ATG2A: variants seen among roughly 807,000 people sequenced by gnomAD.
ATG2A encodes the protein autophagy related 2A.
ATG2A carries 103 observed loss-of-function variants against 214.2 expected under a neutral mutation model. That is an observed-to-expected ratio of 0.48 (90% CI 0.41 to 0.57). ATG2A has a LOEUF of 0.57. Ranked by LOEUF, ATG2A falls within the 20% of genes least tolerant of loss-of-function variation. The pLI is 0.00. For synonymous variants in ATG2A, 1,160 were observed against 1,142.1 expected, an observed-to-expected ratio of 1.02 and a Z score of -0.32; for missense variants, 2,312 against 2,613.2, an observed-to-expected ratio of 0.88 and a Z score of 2.51.
rs61744001 is a variant in ATG2A at position 64,913,329 on chromosome 11, G to A, written c.663C>T (p.Ala221=). The A allele has an allele frequency of 0.03, 47,691 of 1,607,408 alleles. 1,001 individuals carry two copies. The highest frequency in any genetic ancestry group is 0.046 in the South Asian group (4,113 of 90,074). ...APPVDVHQPP[A]FLHKLLQLAG... is the part of the protein sequence containing the mutation. ...CCAGCTGCAGCAGCTTGTGCAGGAAGGCAGGCGGCTGATGCACGTCCACCG... is the reference window on the plus strand; with the variant it reads ...CCAGCTGCAGCAGCTTGTGCAGGAAAGCAGGCGGCTGATGCACGTCCACCG... The change falls in exon 5 of 41, where the codon GCC becomes GCT. Residue 221 remains alanine (A), a synonymous_variant. Transcript: ENST00000377264. The surrounding 1 kb of genome is among the most constrained non-coding windows in gnomAD (Gnocchi z 4.3).
In ATG2A at chr11:64,913,031, GA is replaced by G; in HGVS notation, c.825+6del. Reference sequence around the variant, plus strand: ...CTCACCCCCTCCCCAGGGGCCTGGGGACCCACCTTGGGGCCAGGGAAGGCCT... The same window carrying G: ...CTCACCCCCTCCCCAGGGGCCTGGGGCCCACCTTGGGGCCAGGGAAGGCCT... On this transcript the variant is annotated splice_donor_region_variant and intron_variant, in intron 6 of 40. Coordinates refer to ENST00000377264, the MANE Select transcript of ATG2A (RefSeq NM_015104.3). The surrounding 1 kb of genome is among the most constrained non-coding windows in gnomAD (Gnocchi z 4.3). The G allele has an allele frequency of 6.5e-7, 1 of 1,544,386 alleles. No individual in the cohort carries two copies. Among genetic ancestry groups the G allele is most frequent in the Non-Finnish European group, 8.7e-7 (1 of 1,144,650 alleles).
Position 64,895,973 on chromosome 11 carries a change from C to T in ATG2A, c.5427+489G>A, listed in dbSNP as rs940448891. Among the ~76,000 whole-genome samples, 15 of 152,194 alleles carry T rather than the reference C, an allele frequency of 9.9e-5. No homozygotes were observed. The highest frequency in any genetic ancestry group is 3.6e-4 in the African/African-American group (15 of 41,444). On this transcript the variant is annotated intron_variant, in intron 39 of 40. Coordinates refer to ENST00000377264, the MANE Select transcript of ATG2A (RefSeq NM_015104.3). The surrounding 1 kb of genome is among the most constrained non-coding windows in gnomAD (Gnocchi z 5.0). Reference sequence around the variant, plus strand: ...TCTGTCCTGTTGGGGTCTGAGCTTGCAGGTTCCAGAATGCACCATGCACCT... The same window carrying T: ...TCTGTCCTGTTGGGGTCTGAGCTTGTAGGTTCCAGAATGCACCATGCACCT...
Position 64,907,365 on chromosome 11 carries a change from C to A in ATG2A, c.2722G>T (p.Gly908Cys). Residue 908 changes from glycine (G) to cysteine (C), a missense_variant, in exon 19 of 41, where the codon GGT (glycine) becomes TGT (cysteine). Physicochemically the swap from Gly to Cys is radical, Grantham distance 159. Coordinates refer to ENST00000377264, the MANE Select transcript of ATG2A (RefSeq NM_015104.3). Reference protein sequence around the residue: ...DAHFFSVGASGGPQAAAPEAP... With the variant: ...DAHFFSVGASCGPQAAAPEAP... ...TCAGGGGCAGCGGCCTGTGGGCCAC[C>A]TGATGCCCCCACTGAGAAGAAGTGG... 1 of 1,560,830 alleles carries A rather than the reference C, an allele frequency of 6.4e-7. No homozygotes were observed. The highest frequency in any genetic ancestry group is 8.7e-7 in the Non-Finnish European group (1 of 1,152,712).
rs71468678 is a variant in ATG2A, at chr11:64,903,408, C to A, written c.3536-44G>T. On this transcript the variant is annotated intron_variant, in intron 25 of 40. Coordinates refer to ENST00000377264, the MANE Select transcript of ATG2A (RefSeq NM_015104.3). This position sits in a 1 kb window ranked among gnomAD's most constrained non-coding sequence, Gnocchi z 4.2. ...AAAGGTCCTGTGGCCCCCTTCCACC[C>A]GGCCCCGGCCCCAGCACCTGGGGGA... The A allele has an allele frequency of 6.2e-7, 1 of 1,601,820 alleles. No individual in the cohort carries two copies. The highest frequency in any genetic ancestry group is 1.1e-5 in the South Asian group (1 of 90,418).
intron 16 of ATG2A, among the ~76,000 whole-genome samples, chr11:64,908,555 A>AG (rs1273173625): frequency 6.6e-6 from 1 of 152,096 alleles, no homozygotes; most frequent in Non-Finnish European, 1.5e-5. Flanking sequence ...CTATCTCAAA[A>AG]AAAAAAGAAA....
chr11:64,903,419 C>A lies in ATG2A; in HGVS notation c.3536-55G>T, dbSNP rs1354906275. 2.5e-6 allele frequency: 4 copies of A among 1,596,388 alleles called. No individual in the cohort carries two copies. In the African/African-American group the frequency reaches 4.0e-5, roughly 16 times the overall value. Reference sequence around the variant, plus strand: ...GGCCCCCTTCCACCCGGCCCCGGCCCCAGCACCTGGGGGAAGGATCCGGTT... The same window carrying A: ...GGCCCCCTTCCACCCGGCCCCGGCCACAGCACCTGGGGGAAGGATCCGGTT... On this transcript the variant is annotated intron_variant, in intron 25 of 40. Transcript: ENST00000377264. The surrounding 1 kb of genome is among the most constrained non-coding windows in gnomAD (Gnocchi z 4.2).
At chr11:64,907,956 GGTCTCAGTCCT>G in intron 16 of ATG2A, 66 bp from the exon 17 acceptor site, 1 of 1,542,508 alleles carries the variant, frequency 6.5e-7, no homozygotes, top group Non-Finnish European at 8.8e-7. Context: ...GCCTGTCTCT[GGTCTCAGTCCT>G]GCCCTCCTGT....
At position 64,895,139 on chromosome 11, in the gene ATG2A, C is replaced by T; in HGVS notation, c.5651G>A (p.Gly1884Asp). 6.2e-7 allele frequency: 1 copy of T among 1,613,160 alleles called. No homozygotes were observed. Residue 1884 changes from glycine to aspartate, a missense_variant, in exon 41 of 41, where the codon GGC becomes GAC. Physicochemically the swap from Gly to Asp is moderately conservative, Grantham distance 94 (BLOSUM62 -1). Transcript: ENST00000377264. The surrounding 1 kb of genome is among the most constrained non-coding windows in gnomAD (Gnocchi z 5.0). ...SRGHEQKGLT[G>D]AVGGVIRQLP... ...CTGGCGGATCACGCCCCCCACGGCG[C>T]CCGTCAGCCCCTTCTGCTCATGGCC...
Position 64,913,785 on chromosome 11 carries a change from T to C in ATG2A, c.590+36A>G. ...CATCCAGCAGCCCCCACTCCCCATC[T>C]TCACACCAGTCCACCCCAGATCGGC... On this transcript the variant is annotated intron_variant, in intron 4 of 40. Coordinates refer to ENST00000377264, the MANE Select transcript of ATG2A (RefSeq NM_015104.3). The surrounding 1 kb of genome is among the most constrained non-coding windows in gnomAD (Gnocchi z 4.3). 2 of 1,599,780 alleles carry C rather than the reference T, an allele frequency of 1.3e-6. No individual in the cohort carries two copies. The highest frequency in any genetic ancestry group is 2.2e-5 in the East Asian group (1 of 44,786).
chr11:64,902,140 T>C lies in ATG2A; in HGVS notation c.3941A>G (p.Tyr1314Cys), dbSNP rs755933910. 2 of 1,613,388 alleles carry C rather than the reference T, an allele frequency of 1.2e-6. No individual in the cohort carries two copies. The highest frequency in any genetic ancestry group is 1.7e-6 in the Non-Finnish European group (2 of 1,179,900). ...CCCACTCCGTTCACCTGGGAATAGGTAGACGGAGATGGGCGACGCCTGAGG... is the reference window on the plus strand; with the variant it reads ...CCCACTCCGTTCACCTGGGAATAGGCAGACGGAGATGGGCGACGCCTGAGG... ...HLPQASPISV[Y>C]LFPGERSGAP... Residue 1314 changes from tyrosine to cysteine, a missense_variant, in exon 29 of 41, where the codon TAC (tyrosine) becomes TGC (cysteine). Physicochemically the swap from Tyr to Cys is radical, Grantham distance 194. Transcript: ENST00000377264.
In ATG2A at chr11:64,910,952, AGCCTGCGGGGAAGAGGACAG is replaced by A; in HGVS notation, c.1467-18_1468del. 6.2e-7 allele frequency: 1 copy of A among 1,613,390 alleles called. No individual in the cohort carries two copies. The highest frequency in any genetic ancestry group is 8.5e-7 in the Non-Finnish European group (1 of 1,180,004). ...GGACAGCTGCACGGCTGTGCCCGTTAGCCTGCGGGGAAGAGGACAGGCGTCAGAAGGTGCACTTAGGGGGC... is the reference window on the plus strand; with the variant it reads ...GGACAGCTGCACGGCTGTGCCCGTTAGCGTCAGAAGGTGCACTTAGGGGGC... On this transcript the variant is annotated splice_acceptor_variant and splice_polypyrimidine_tract_variant and coding_sequence_variant and intron_variant, in exon 11 of 41. Coordinates refer to ENST00000377264, the MANE Select transcript of ATG2A (RefSeq NM_015104.3). LOFTEE classifies it high-confidence loss of function.
Position 64,897,669 on chromosome 11 carries a change from A to G in ATG2A, c.5067+2T>C. The G allele has an allele frequency of 6.2e-7, 1 of 1,614,206 alleles. No homozygotes were observed. Among genetic ancestry groups the G allele is most frequent in the African/African-American group, 1.3e-5 (1 of 75,066 alleles). On this transcript the variant is annotated splice_donor_variant, in intron 36 of 40. Coordinates refer to ENST00000377264, the MANE Select transcript of ATG2A (RefSeq NM_015104.3). LOFTEE classifies it high-confidence loss of function. The stretch of plus-strand genomic sequence containing the variant: ...GCCACCCCATCCGACCGCCCCACTT[A>G]CCACCTGGTCCATCGTGACGTGCTT...
rs1455230553 is a variant in ATG2A, at chr11:64,896,628, G to A, written c.5273-12C>T. 6.2e-7 allele frequency: 1 copy of A among 1,611,632 alleles called. No homozygotes were observed. The highest frequency in any genetic ancestry group is 2.2e-5 in the East Asian group (1 of 44,816). On this transcript the variant is annotated splice_polypyrimidine_tract_variant and intron_variant, in intron 38 of 40. Transcript: ENST00000377264. ...CCGGAACCCTTGGACTAGGGGGAAG[G>A]AGCGCTCAGAGACACCCGAGGCTGC... is the stretch of plus-strand genomic sequence containing the variant.
intron 3 of ATG2A, 76 bp downstream of exon 3, chr11:64,914,005 G>C: frequency 1.9e-6 from 3 of 1,563,080 alleles, no homozygotes; most frequent in Non-Finnish European, 2.6e-6. Flanking sequence ...CAGGGTGGCC[G>C]TGCCGTTGTC....
In ATG2A at chr11:64,909,870, G is replaced by C. The variant is rs370489079; in HGVS notation, c.1918C>G (p.Arg640Gly). ...QQTVFRLSAP[R>G]ATLRLRFPIA... ...GGGAAGCGCAGCCGCAGCGTGGCCC[G>C]GGGTGCAGAGAGCCGAAATACCGTC... The change falls in exon 14 of 41, where the codon CGG becomes GGG. Residue 640 changes from arginine (R) to glycine (G), a missense_variant. Physicochemically the swap from Arg to Gly is moderately radical, Grantham distance 125. Coordinates refer to ENST00000377264, the MANE Select transcript of ATG2A (RefSeq NM_015104.3). 2.5e-6 allele frequency: 4 copies of C among 1,608,842 alleles called. No individual in the cohort carries two copies. Among genetic ancestry groups the C allele is most frequent in the Non-Finnish European group, 3.4e-6 (4 of 1,178,652 alleles).
intron 29 of ATG2A, 34 bp downstream of exon 29, chr11:64,901,928 G>A: frequency 6.2e-7 from 1 of 1,604,920 alleles, no homozygotes; most frequent in Non-Finnish European, 8.5e-7. Flanking sequence ...CACCTGCCTG[G>A]ACGGCAAACT....
intron 1 of ATG2A, among the ~76,000 whole-genome samples, chr11:64,914,908 G>A (rs916895335): frequency 3.7e-4 from 56 of 151,872 alleles, no homozygotes; most frequent in Non-Finnish European, 7.1e-4. Flanking sequence ...GGGGCTGGTG[G>A]GGGGGCCGTG....
Position 64,903,610 on chromosome 11 carries a change from T to A in ATG2A, c.3515A>T (p.Glu1172Val), listed in dbSNP as rs1219593330. The A allele has an allele frequency of 1.3e-6, 2 of 1,549,812 alleles. No individual in the cohort carries two copies. The highest frequency in any genetic ancestry group is 1.7e-6 in the Non-Finnish European group (2 of 1,146,438). The change falls in exon 25 of 41, where the codon GAG becomes GTG. Residue 1172 changes from glutamate to valine, a missense_variant. Glu to Val is a moderately radical substitution (Grantham distance 121). Transcript: ENST00000377264. The surrounding 1 kb of genome is among the most constrained non-coding windows in gnomAD (Gnocchi z 4.2). ...CCCACCTCGCCGCAGGTCCAGGGTC[T>A]CCACCTCACACTTGTCGGACAGGTA... ...ALYLSDKCEV[E>V]TLDLRRDYVC...
At chr11:64,900,853 C>A in intron 30 of ATG2A, 31 bp downstream of exon 30, 1 of 1,543,156 alleles carries the variant, frequency 6.5e-7, no homozygotes, top group Non-Finnish European at 8.7e-7. Flanking sequence ...CCAACCTTCA[C>A]CAGCTGCCAC....
Sources: gnomAD v4.1 joint callset for allele counts (sites outside exome capture counted in the v4.1 genomes callset) on GRCh38, gnomAD v4.1.1 for gene constraint, Gnocchi (gnomAD v3.1) non-coding constraint, MANE v1.5 for transcripts, NCBI Gene and HGNC (gene_info 2026-07-23, HGNC 2026-07-21) for gene names.